Variants in MICU3 observed in about 807,000 individuals in gnomAD.
MICU3 encodes the protein mitochondrial calcium uptake 3.
MICU3 carries 62 observed loss-of-function variants against 66.5 expected under a neutral mutation model. That is an observed-to-expected ratio of 0.93 (90% CI 0.76 to 1.15). MICU3 has a LOEUF of 1.15. MICU3 is among the 50% of genes most tolerant of loss of function. The probability of loss-of-function intolerance (pLI) is 0.00; values close to 1 mark genes in which losing one functional copy is unlikely to be tolerated. For synonymous variants in MICU3, 308 were observed against 240.7 expected (o/e 1.28, Z -2.59); for missense variants, 779 against 664.4 (o/e 1.17, Z -1.90).
intron 11 of MICU3, among the ~76,000 whole-genome samples, chr8:17,110,293 T>A (rs1802079276): frequency 6.6e-6 from 1 of 152,198 alleles, no homozygotes; most frequent in African/African-American, 2.4e-5. Flanking sequence ...ATTAACCGTT[T>A]TAAACTGAAT....
At chr8:17,107,217 G>A (rs113075112) in intron 11 of MICU3, among the ~76,000 whole-genome samples, 1 of 152,122 alleles carries the variant, frequency 6.6e-6, no homozygotes, top group Non-Finnish European at 1.5e-5. Context: ...AAGGGAGCAA[G>A]AGTCATGGGG....
intron 4 of MICU3, among the ~76,000 whole-genome samples, chr8:17,079,747 G>A (rs758343520): frequency 6.6e-6 from 1 of 151,914 alleles, no homozygotes; most frequent in Non-Finnish European, 1.5e-5. Flanking sequence ...TCTTGCCTCG[G>A]CCTCCCAAAA....
intron 3 of MICU3, among the ~76,000 whole-genome samples, chr8:17,074,439 A>G (rs560637812): frequency 6.6e-6 from 1 of 152,274 alleles, no homozygotes; most frequent in Non-Finnish European, 1.5e-5. Context: ...AATGAAGAAT[A>G]TTTGACAGGA....
intron 13 of MICU3, among the ~76,000 whole-genome samples, chr8:17,117,846 G>A (rs1320672312): frequency 6.6e-6 from 1 of 152,160 alleles, no homozygotes; most frequent in Non-Finnish European, 1.5e-5. Flanking sequence ...CTGACCTCAA[G>A]TAATCCTCTT....
intron 10 of MICU3, 52 bp from the exon 11 acceptor site, chr8:17,105,361 T>TA (rs1252824160): frequency 2.7e-5 from 30 of 1,127,312 alleles, no homozygotes; most frequent in Non-Finnish European, 3.6e-5. Context: ...CATCTCCTGT[T>TA]ACGATTACTC....
At chr8:17,118,110 C>T (rs553573409) in intron 13 of MICU3, among the ~76,000 whole-genome samples, 2 of 152,054 alleles carry the variant, frequency 1.3e-5, no homozygotes, top group African/African-American at 2.4e-5. Context: ...CATTGAAAAT[C>T]GTTTATTTTG....
intron 9 of MICU3, among the ~76,000 whole-genome samples, chr8:17,099,203 A>G (rs1357605762): frequency 6.6e-6 from 1 of 151,758 alleles, no homozygotes; most frequent in Non-Finnish European, 1.5e-5. Context: ...GATGGGCCAT[A>G]TCTTAGAAAA....
rs530404527 is a variant in MICU3, at chr8:17,110,356, T to G, written c.1258-3737T>G. Among the ~76,000 whole-genome samples, 39 of 152,298 alleles carry G rather than the reference T, an allele frequency of 2.6e-4. 1 individual carries two copies. The South Asian group carries it at 7.7e-3, about 30-fold the overall frequency. ...ATATTGTGCAACTGCCACCTCTTTC[T>G]ACTTCTAAACCATTTTCCTCATACC... On this transcript the variant is annotated intron_variant, in intron 11 of 14. Coordinates refer to ENST00000318063, the MANE Select transcript of MICU3 (RefSeq NM_181723.3).
chr8:17,085,215 CT>C lies in MICU3; in HGVS notation c.695-19del. 6.5e-7 allele frequency: 1 copy of C among 1,546,336 alleles called. No individual in the cohort carries two copies. The highest frequency in any genetic ancestry group is 8.8e-7 in the Non-Finnish European group (1 of 1,133,392). Reference sequence around the variant, plus strand: ...ATACATTTTTCCATTTTGTGAATACCTTCTCTGTTTTTTCTGGCAGAGCCAC... The same window carrying C: ...ATACATTTTTCCATTTTGTGAATACCTCTCTGTTTTTTCTGGCAGAGCCAC... On this transcript the variant is annotated intron_variant, in intron 5 of 14. Transcript: ENST00000318063.
chr8:17,062,737 C>A (rs1019453008), intron 1 of MICU3, among the ~76,000 whole-genome samples: 1 of 151,924 alleles, frequency 6.6e-6, no homozygotes, highest in Non-Finnish European at 1.5e-5. Flanking sequence ...ACTAAAAAGT[C>A]TTCTTTGACT....
intron 11 of MICU3, among the ~76,000 whole-genome samples, chr8:17,113,351 G>A (rs978906835): frequency 1.2e-4 from 19 of 152,212 alleles, no homozygotes; most frequent in African/African-American, 4.6e-4. Context: ...TTGTCCAAAT[G>A]TGTATTCTCT....
chr8:17,075,677 A>G (rs1472010938), intron 3 of MICU3, among the ~76,000 whole-genome samples: 2 of 152,232 alleles, frequency 1.3e-5, no homozygotes, highest in Non-Finnish European at 2.9e-5. Flanking sequence ...CTAGATTATT[A>G]CTAAAATAAG....
chr8:17,060,532 G>A (rs967369662), intron 1 of MICU3, among the ~76,000 whole-genome samples: 6 of 152,044 alleles, frequency 3.9e-5, no homozygotes, highest in Non-Finnish European at 4.4e-5. Context: ...GGCTGGTCTC[G>A]AACTCCTGAC....
intron 5 of MICU3, among the ~76,000 whole-genome samples, chr8:17,083,628 G>T (rs1334502632): frequency 6.6e-6 from 1 of 152,106 alleles, no homozygotes; most frequent in Admixed American, 6.6e-5. Flanking sequence ...TGCAATGGCA[G>T]TTTCAGACTT....
intron 1 of MICU3, among the ~76,000 whole-genome samples, chr8:17,037,421 G>T (rs990493355): frequency 6.6e-6 from 1 of 152,216 alleles, no homozygotes; most frequent in African/African-American, 2.4e-5. Flanking sequence ...GGTACCCTGT[G>T]TCCCAGCCAT....
At chr8:17,066,385 G>A (rs920492038) in intron 2 of MICU3, among the ~76,000 whole-genome samples, 1 of 151,318 alleles carries the variant, frequency 6.6e-6, no homozygotes, top group Non-Finnish European at 1.5e-5. Flanking sequence ...ATGGTTACCT[G>A]GCACATGATA....
chr8:17,053,328 C>G (rs148404069), intron 1 of MICU3, among the ~76,000 whole-genome samples: 2 of 152,258 alleles, frequency 1.3e-5, no homozygotes, highest in African/African-American at 2.4e-5. Flanking sequence ...GGCATTTAAT[C>G]TTGCCTCCCT....
rs1188760895 is a variant in MICU3, at chr8:17,114,156, A to G, written c.1321A>G (p.Ile441Val). The change falls in exon 12 of 15, where the codon ATA becomes GTA. Residue 441 changes from isoleucine to valine, a missense_variant. Physicochemically the swap from Ile to Val is conservative, Grantham distance 29 (BLOSUM62 3). Transcript: ENST00000318063. ...QFLNNLEDFA[I>V]ALNMYNFASR... ...TTTAAACAACCTAGAAGACTTTGCA[A>G]TAGCCCTGAATATGTATAACTTTGC... 1 of 1,612,872 alleles carries G rather than the reference A, an allele frequency of 6.2e-7. No individual in the cohort carries two copies. The highest frequency in any genetic ancestry group is 8.5e-7 in the Non-Finnish European group (1 of 1,179,368).
At chr8:17,041,913 T>TA (rs1814178744) in intron 1 of MICU3, among the ~76,000 whole-genome samples, 2 of 152,244 alleles carry the variant, frequency 1.3e-5, no homozygotes, top group South Asian at 4.2e-4. Flanking sequence ...GATACAGAAA[T>TA]ATGCGGAGTA....
Sources: allele counts gnomAD v4.1 joint callset (sites outside exome capture counted in the v4.1 genomes callset), GRCh38; gene constraint gnomAD v4.1.1; transcripts MANE v1.5; gene names NCBI Gene and HGNC (gene_info 2026-07-23, HGNC 2026-07-21).